Variants in KDM4C observed in about 807,000 individuals in gnomAD.
KDM4C encodes the protein lysine demethylase 4C, also known as lysine-specific demethylase 4C.
KDM4C carries 81 observed loss-of-function variants against 129.3 expected under a neutral mutation model. That is an observed-to-expected ratio of 0.63 (90% CI 0.52 to 0.75). The LOEUF is 0.75. Ranked by LOEUF, KDM4C falls within the 30% of genes least tolerant of loss-of-function variation. The probability of loss-of-function intolerance (pLI) is 0.00; values close to 1 mark genes in which losing one functional copy is unlikely to be tolerated. For missense variants in KDM4C, 1,457 were observed against 1,304.0 expected, an observed-to-expected ratio of 1.12 and a Z score of -1.81; for synonymous variants, 573 against 456.1, an observed-to-expected ratio of 1.26 and a Z score of -3.26.
intron 12 of KDM4C, among the ~76,000 whole-genome samples, chr9:7,007,312 ATCTTAG>A (rs111338241): frequency 0.038 from 5,808 of 152,298 alleles, 159 homozygotes; most frequent in South Asian, 0.095. Flanking sequence ...TTTTGTAAAA[ATCTTAG>A]TCTAGGAGTA....
chr9:6,904,627 C>G (rs973515852), intron 8 of KDM4C, among the ~76,000 whole-genome samples: 1 of 152,182 alleles, frequency 6.6e-6, no homozygotes, highest in South Asian at 2.1e-4. Flanking sequence ...GTCACCTCGG[C>G]TTATTCCACT....
At chr9:6,972,342 T>C (rs1832140404) in intron 8 of KDM4C, among the ~76,000 whole-genome samples, 1 of 152,124 alleles carries the variant, frequency 6.6e-6, no homozygotes, top group South Asian at 2.1e-4. Context: ...TTTCTCTACC[T>C]AATGGTAATG....
intron 8 of KDM4C, among the ~76,000 whole-genome samples, chr9:6,927,064 A>G (rs1822707404): frequency 6.6e-6 from 1 of 152,008 alleles, no homozygotes; most frequent in Non-Finnish European, 1.5e-5. Context: ...TTAACCCCTT[A>G]GATTCTATCC....
intron 4 of KDM4C, among the ~76,000 whole-genome samples, chr9:6,833,535 C>T (rs1835300281): frequency 6.6e-6 from 1 of 152,188 alleles, no homozygotes; most frequent in African/African-American, 2.4e-5. Flanking sequence ...TGAACCCCGG[C>T]CCTGTGATTA....
At chr9:6,772,308 C>T (rs1296070966) in intron 1 of KDM4C, among the ~76,000 whole-genome samples, 1 of 151,544 alleles carries the variant, frequency 6.6e-6, no homozygotes, top group Admixed American at 6.6e-5. Flanking sequence ...TGCCACCATG[C>T]CTGGCTAATT....
intron 1 of KDM4C, among the ~76,000 whole-genome samples, chr9:6,736,889 A>G (rs1817542028): frequency 6.6e-6 from 1 of 151,906 alleles, no homozygotes; most frequent in African/African-American, 2.4e-5. Flanking sequence ...CGTCTCTACA[A>G]AAAAATACAA....
At chr9:7,145,940 G>A (rs536129062) in intron 19 of KDM4C, among the ~76,000 whole-genome samples, 1 of 152,244 alleles carries the variant, frequency 6.6e-6, no homozygotes. Flanking sequence ...TCCCACTGAA[G>A]ATGTTGCTCT....
intron 4 of KDM4C, among the ~76,000 whole-genome samples, chr9:6,816,287 A>C (rs954669160): frequency 6.6e-6 from 1 of 152,224 alleles, no homozygotes; most frequent in Non-Finnish European, 1.5e-5. Flanking sequence ...CATAGAACAT[A>C]AACCTAGAGC....
intron 17 of KDM4C, among the ~76,000 whole-genome samples, chr9:7,090,856 T>C (rs1835709580): frequency 6.6e-6 from 1 of 152,218 alleles, no homozygotes; most frequent in Non-Finnish European, 1.5e-5. Flanking sequence ...CACACCAGAA[T>C]ATCAATCCAT....
intron 6 of KDM4C, among the ~76,000 whole-genome samples, chr9:6,885,833 T>G (rs1042769282): frequency 2.0e-5 from 3 of 152,204 alleles, no homozygotes; most frequent in African/African-American, 4.8e-5. Context: ...ATTGTAAATA[T>G]AAATTCTGAA....
chr9:6,888,133 C>G (rs1393922580), intron 7 of KDM4C, 70 bp downstream of exon 7: 1 of 737,336 alleles, frequency 1.4e-6, no homozygotes, highest in Non-Finnish European at 2.1e-6. Context: ...AGTAATGTAT[C>G]TTTAACTTCC....
intron 4 of KDM4C, among the ~76,000 whole-genome samples, chr9:6,824,216 C>T (rs955106519): frequency 2.6e-5 from 4 of 152,164 alleles, no homozygotes; most frequent in East Asian, 3.8e-4. Flanking sequence ...TATTTCTTTT[C>T]GTGGCTATTT....
intron 8 of KDM4C, among the ~76,000 whole-genome samples, chr9:6,920,297 A>T (rs1821244070): frequency 6.6e-6 from 1 of 152,170 alleles, no homozygotes; most frequent in Admixed American, 6.5e-5. Flanking sequence ...AAAAAAGAAA[A>T]TAAAAAAACA....
At chr9:7,159,400 T>C (rs1843537699) in intron 19 of KDM4C, among the ~76,000 whole-genome samples, 1 of 152,208 alleles carries the variant, frequency 6.6e-6, no homozygotes, top group African/African-American at 2.4e-5. Flanking sequence ...ATTTTGCCTG[T>C]TAGTTGATGC....
chr9:6,867,007 ATATATATATATT>A (rs1370494476), intron 5 of KDM4C, among the ~76,000 whole-genome samples: 1 of 97,160 alleles, frequency 1.0e-5, no homozygotes, highest in African/African-American at 5.1e-5. Flanking sequence ...GTGTATATAT[ATATATATATATT>A]TTTTTTTTTT....
At chr9:7,145,017 C>G (rs1480326467) in intron 19 of KDM4C, among the ~76,000 whole-genome samples, 1 of 152,186 alleles carries the variant, frequency 6.6e-6, no homozygotes, top group Non-Finnish European at 1.5e-5. Flanking sequence ...TTGCTTCACC[C>G]CTTTGCGCAT....
At chr9:7,057,212 A>T (rs1472238585) in intron 17 of KDM4C, among the ~76,000 whole-genome samples, 1 of 152,238 alleles carries the variant, frequency 6.6e-6, no homozygotes, top group Admixed American at 6.5e-5. Flanking sequence ...GAACATTTTC[A>T]TACTTGGAGT....
intron 19 of KDM4C, among the ~76,000 whole-genome samples, chr9:7,156,718 G>T (rs1009679302): frequency 6.6e-6 from 1 of 152,178 alleles, no homozygotes; most frequent in African/African-American, 2.4e-5. Flanking sequence ...CTATATCTCT[G>T]TTTTGGTACC....
intron 1 of KDM4C, among the ~76,000 whole-genome samples, chr9:6,722,732 C>T (rs7029588): frequency 0.013 from 1,968 of 152,048 alleles, 45 homozygotes; most frequent in African/African-American, 0.045. Context: ...AGGCTGGTCT[C>T]GAACTCTCAA....
Sources: gnomAD v4.1 joint callset for allele counts (sites outside exome capture counted in the v4.1 genomes callset) on GRCh38, gnomAD v4.1.1 for gene constraint, MANE v1.5 for transcripts, NCBI Gene and HGNC (gene_info 2026-07-23, HGNC 2026-07-21) for gene names.